Variants in SGCD observed in about 807,000 individuals in gnomAD.
SGCD encodes delta-sarcoglycan.
A neutral mutation model predicts 36.6 loss-of-function variants in SGCD; 18 were observed. The ratio of observed to expected loss-of-function variants is 0.49; its 90% CI spans 0.34 to 0.73. The LOEUF is 0.73. Among genes scored for constraint, SGCD ranks in the 30% least tolerant of loss-of-function variants. SGCD has a pLI of 0.01. For missense variants in SGCD, 387 were observed against 346.7 expected, an observed-to-expected ratio of 1.12 and a Z score of -0.92; for synonymous variants, 133 against 130.6, an observed-to-expected ratio of 1.02 and a Z score of -0.12.
intron 1 of SGCD, among the ~76,000 whole-genome samples, chr5:155,929,295 C>A (rs191954764): frequency 3.3e-5 from 5 of 152,144 alleles, no homozygotes; most frequent in Non-Finnish European, 7.4e-5. Context: ...ACTTGCTCAG[C>A]GGTTTGAATG....
intron 7 of SGCD, among the ~76,000 whole-genome samples, chr5:156,699,458 C>A (rs779019743): frequency 6.6e-6 from 1 of 152,006 alleles, no homozygotes; most frequent in African/African-American, 2.4e-5. Context: ...TTGATGACTA[C>A]AATTGTGATT....
intron 3 of SGCD, among the ~76,000 whole-genome samples, chr5:156,397,023 A>C (rs1412882049): frequency 2.2e-4 from 34 of 152,160 alleles, no homozygotes; most frequent in Admixed American, 2.2e-3. Flanking sequence ...TGAGACTTTT[A>C]AGGTCTATTT....
Position 156,155,613 on chromosome 5 carries a change from GAA to G in SGCD, c.-44+31611_-44+31612del, listed in dbSNP as rs56154305. Among the ~76,000 whole-genome samples, 477 of 131,136 alleles carry G rather than the reference GAA, an allele frequency of 3.6e-3. 17 individuals are homozygous for G. Among genetic ancestry groups the G allele is most frequent in the African/African-American group, 0.013 (447 of 34,052 alleles). 86.0% of individuals were successfully genotyped at this position (131,136 alleles called of 152,430 possible). A position where few individuals can be genotyped will look rare whatever the true frequency, so the allele number is the denominator to read the frequency against. ...CAAACCTAGTAATGTCGTGGGCTAG[GAA>G]AAAAAAAAAAAAAAAAGAAGCACAC... On this transcript the variant is annotated intron_variant, in intron 3 of 9. Coordinates refer to the SGCD transcript ENST00000517913.
At chr5:156,179,868 C>A (rs973574423) in intron 3 of SGCD, among the ~76,000 whole-genome samples, 65 of 152,304 alleles carry the variant, frequency 4.3e-4, no homozygotes, top group African/African-American at 1.3e-3. Flanking sequence ...AAGTGATCTA[C>A]CTGCCTGGGC....
intron 7 of SGCD, among the ~76,000 whole-genome samples, chr5:156,712,837 C>G (rs1333149690): frequency 6.6e-6 from 1 of 152,186 alleles, no homozygotes; most frequent in Non-Finnish European, 1.5e-5. Context: ...CACTGTCTAT[C>G]AATCAATCAC....
At chr5:156,458,417 G>C in intron 3 of SGCD, 2 of 1,603,730 alleles carry the variant, frequency 1.2e-6, no homozygotes, top group South Asian at 2.2e-5. Context: ...GATCGATGTA[G>C]TAGACACCAA....
At chr5:156,494,827 T>A (rs953435387) in intron 3 of SGCD, among the ~76,000 whole-genome samples, 5 of 152,264 alleles carry the variant, frequency 3.3e-5, no homozygotes, top group Middle Eastern at 3.4e-3. Context: ...TTCTTGGTGA[T>A]CCTCAAATGT....
chr5:156,337,477 C>A (rs562236938), intron 2 of SGCD, among the ~76,000 whole-genome samples: 89 of 152,352 alleles, frequency 5.8e-4, no homozygotes, highest in Non-Finnish European at 1.1e-3. Context: ...CTCACCCTCT[C>A]CTCTGAGCTC....
intron 1 of SGCD, among the ~76,000 whole-genome samples, chr5:155,990,489 A>G (rs1758410430): frequency 6.6e-6 from 1 of 152,194 alleles, no homozygotes; most frequent in Non-Finnish European, 1.5e-5. Context: ...GTCATGTTTC[A>G]GGGGCAGGAT....
chr5:156,249,427 T>A (rs1014231521), intron 3 of SGCD, among the ~76,000 whole-genome samples: 2 of 152,234 alleles, frequency 1.3e-5, no homozygotes. Context: ...TTCACAGTTT[T>A]GATGGGAACA....
chr5:156,756,903 T>C (rs1361775068), intron 7 of SGCD, among the ~76,000 whole-genome samples: 3 of 152,194 alleles, frequency 2.0e-5, no homozygotes, highest in Non-Finnish European at 4.4e-5. Flanking sequence ...GCATTGAAGG[T>C]TAAGGCCTGA....
At chr5:156,058,220 A>AC (rs887095218) in intron 1 of SGCD, among the ~76,000 whole-genome samples, 12 of 146,170 alleles carry the variant, frequency 8.2e-5, no homozygotes, top group African/African-American at 2.5e-4. Flanking sequence ...AAAGCAGGAG[A>AC]CAGAGGAACA....
chr5:156,140,060 A>G (rs1177396763), intron 3 of SGCD, among the ~76,000 whole-genome samples: 1 of 152,212 alleles, frequency 6.6e-6, no homozygotes, highest in Non-Finnish European at 1.5e-5. Flanking sequence ...ACTTGCCAGT[A>G]CCTTGATCCT....
At chr5:155,881,567 T>C (rs1055511410) in intron 1 of SGCD, among the ~76,000 whole-genome samples, 1 of 152,336 alleles carries the variant, frequency 6.6e-6, no homozygotes. Context: ...TGCTGACTGA[T>C]CAGAATGTGT....
the SGCD span, among the ~76,000 whole-genome samples, chr5:155,848,338 T>C: frequency 6.6e-6 from 1 of 152,178 alleles, no homozygotes; most frequent in East Asian, 1.9e-4. Context: ...CTATGTTCTC[T>C]ATGTCCATAT....
At chr5:156,416,454 G>T (rs114168952) in intron 3 of SGCD, among the ~76,000 whole-genome samples, 2,003 of 152,098 alleles carry the variant, frequency 0.013, 17 homozygotes, top group Non-Finnish European at 0.021. Flanking sequence ...ATCTCAGATA[G>T]CACCACTAAA....
At chr5:156,692,915 C>T (rs995445814) in intron 7 of SGCD, among the ~76,000 whole-genome samples, 6 of 152,170 alleles carry the variant, frequency 3.9e-5, no homozygotes, top group Non-Finnish European at 8.8e-5. Context: ...TCAGGCTCAG[C>T]TTGCAATTAT....
At chr5:156,745,366 A>T (rs1029760765) in intron 7 of SGCD, among the ~76,000 whole-genome samples, 1 of 152,094 alleles carries the variant, frequency 6.6e-6, no homozygotes, top group African/African-American at 2.4e-5. Context: ...AATTCATATC[A>T]CCTGGATGGG....
At chr5:156,179,443 T>C (rs75968943) in intron 3 of SGCD, among the ~76,000 whole-genome samples, 2,211 of 152,266 alleles carry the variant, frequency 0.015, 27 homozygotes, top group Non-Finnish European at 0.024. Flanking sequence ...TTGTTGTATA[T>C]ACATAGTTGT....
Sources: gnomAD v4.1 joint callset for allele counts (sites outside exome capture counted in the v4.1 genomes callset) on GRCh38, gnomAD v4.1.1 for gene constraint, MANE v1.5 for transcripts, NCBI Gene and HGNC (gene_info 2026-07-23, HGNC 2026-07-21) for gene names.